The following ME2 variants were observed in gnomAD, a reference collection of about 807,000 sequenced individuals.
ME2 encodes the protein malic enzyme 2.
ME2 carries 60 observed loss-of-function variants against 73.7 expected under a neutral mutation model. That is an observed-to-expected ratio of 0.81 (90% CI 0.66 to 1.01). ME2 has a LOEUF of 1.01. Ranked by LOEUF, ME2 falls within the 50% of genes least tolerant of loss-of-function variation. The probability of loss-of-function intolerance (pLI) is 0.00; values close to 1 mark genes in which losing one functional copy is unlikely to be tolerated. For missense variants in ME2, 594 were observed against 705.5 expected (o/e 0.84, Z 1.79); for synonymous variants, 199 against 236.9 (o/e 0.84, Z 1.47).
rs868169457 is a variant in ME2 at position 50,951,178 on chromosome 18, T to C, written c.*3994T>C. ...ACATTTATTTCTCTTAGTTTTCTTA[T>C]GACATGACTTGCCTTATATCCTTTG... On this transcript the variant is annotated 3_prime_UTR_variant, in exon 16 of 16. Transcript: ENST00000321341. 6.6e-6 allele frequency: 1 copy of C among 152,256 alleles called. No homozygotes were observed. The highest frequency in any genetic ancestry group is 1.5e-5 in the Non-Finnish European group (1 of 68,044). 9.4% of individuals were successfully genotyped at this position (152,256 alleles called of 1,614,324 possible). A position where few individuals can be genotyped will look rare whatever the true frequency, so the allele number is the denominator to read the frequency against.
chr18:50,883,974 TCTC>T (rs571543759), intron 1 of ME2, among the ~76,000 whole-genome samples: 1 of 152,202 alleles, frequency 6.6e-6, no homozygotes. Context: ...CTCCTATAGT[TCTC>T]CTTCTGTCAT....
At chr18:50,910,690 C>T (rs1917134832) in intron 3 of ME2, among the ~76,000 whole-genome samples, 1 of 152,180 alleles carries the variant, frequency 6.6e-6, no homozygotes, top group African/African-American at 2.4e-5. Flanking sequence ...TTGTTCTAAG[C>T]TTTGAAACTC....
intron 4 of ME2, among the ~76,000 whole-genome samples, chr18:50,914,506 A>G (rs1917239887): frequency 6.6e-6 from 1 of 152,110 alleles, no homozygotes; most frequent in Non-Finnish European, 1.5e-5. Flanking sequence ...AATACTGTAT[A>G]TTGTTTATGC....
intron 4 of ME2, among the ~76,000 whole-genome samples, chr18:50,914,602 A>G (rs941315083): frequency 1.3e-5 from 2 of 152,230 alleles, no homozygotes; most frequent in Non-Finnish European, 2.9e-5. Context: ...TGATTGATCT[A>G]AACTTTAAGC....
chr18:50,891,294 C>T (rs112279611), intron 1 of ME2, among the ~76,000 whole-genome samples: 2,660 of 152,046 alleles, frequency 0.017, 32 homozygotes, highest in Non-Finnish European at 0.028. Flanking sequence ...GAGGAGACAC[C>T]GAGGAAGGTT....
At chr18:50,931,117 A>C (rs1413801222) in intron 12 of ME2, among the ~76,000 whole-genome samples, 1 of 152,256 alleles carries the variant, frequency 6.6e-6, no homozygotes, top group East Asian at 1.9e-4. Context: ...TGCTATAAAG[A>C]ATAATAACAC....
intron 5 of ME2, chr18:50,917,113 C>CTA (rs1214274767): frequency 1.6e-5 from 6 of 366,272 alleles, no homozygotes; most frequent in African/African-American, 1.0e-4. Flanking sequence ...CAGAAGAATT[C>CTA]TATTCCTAAA....
chr18:50,941,349 G>GTTTTTTTTT (rs1568176416), intron 15 of ME2, among the ~76,000 whole-genome samples: 3 of 105,314 alleles, frequency 2.8e-5, no homozygotes, highest in African/African-American at 8.8e-5. Context: ...ATTTGTGATG[G>GTTTTTTTTT]TTTCTTTTTT....
intron 1 of ME2, among the ~76,000 whole-genome samples, chr18:50,894,738 G>A (rs540632995): frequency 7.9e-5 from 12 of 151,280 alleles, no homozygotes; most frequent in South Asian, 2.1e-4. Context: ...TTAGCTGGGC[G>A]TGGTGGCGGG....
chr18:50,906,714 G>A (rs544820094), intron 2 of ME2, among the ~76,000 whole-genome samples: 1 of 152,290 alleles, frequency 6.6e-6, no homozygotes, highest in Admixed American at 6.5e-5. Context: ...AGACTTAAAT[G>A]CTTGGAACTA....
At chr18:50,880,048 T>C (rs1202008729) in intron 1 of ME2, among the ~76,000 whole-genome samples, 1 of 152,244 alleles carries the variant, frequency 6.6e-6, no homozygotes. Context: ...TCTGTGGATT[T>C]ACCTTCCTGA....
intron 1 of ME2, among the ~76,000 whole-genome samples, chr18:50,889,612 G>A (rs942405521): frequency 6.6e-6 from 1 of 152,136 alleles, no homozygotes; most frequent in Non-Finnish European, 1.5e-5. Flanking sequence ...CTTGTTAAGC[G>A]TTCCTAATAA....
In ME2 at chr18:50,951,456, A is replaced by G. The variant is rs537549578; in HGVS notation, c.*4272A>G. 2.0e-5 allele frequency: 3 copies of G among 151,392 alleles called. No homozygotes were observed. In the South Asian group the frequency reaches 6.3e-4, roughly 32 times the overall value. 9.4% of individuals were successfully genotyped at this position (151,392 alleles called of 1,614,324 possible). A position where few individuals can be genotyped will look rare whatever the true frequency, so the allele number is the denominator to read the frequency against. On this transcript the variant is annotated 3_prime_UTR_variant, in exon 16 of 16. Coordinates refer to ENST00000321341, the MANE Select transcript of ME2 (RefSeq NM_002396.5). Reference sequence around the variant, plus strand: ...AGTATCCTTCAAGGATAACTTTTTCATACCTTTTTTTTGGTTTGTTTGTTT... The same window carrying G: ...AGTATCCTTCAAGGATAACTTTTTCGTACCTTTTTTTTGGTTTGTTTGTTT...
At chr18:50,944,336 C>T (rs186898626) in intron 15 of ME2, among the ~76,000 whole-genome samples, 2 of 152,258 alleles carry the variant, frequency 1.3e-5, no homozygotes, top group East Asian at 1.9e-4. Flanking sequence ...CATGTCTCTG[C>T]GTTTCCCCAG....
intron 12 of ME2, among the ~76,000 whole-genome samples, chr18:50,927,162 G>T (rs1917572052): frequency 6.6e-6 from 1 of 152,110 alleles, no homozygotes; most frequent in African/African-American, 2.4e-5. Context: ...ATTCTGTAAG[G>T]ATGTAGTTGT....
At chr18:50,908,344 T>C in intron 3 of ME2, 148 bp downstream of exon 3, 3 of 541,244 alleles carry the variant, frequency 5.5e-6, no homozygotes, top group South Asian at 3.9e-5. Flanking sequence ...TGTGTTTCTT[T>C]CACTTCGGTG....
At chr18:50,881,197 TTG>T (rs1389129321) in intron 1 of ME2, among the ~76,000 whole-genome samples, 2 of 151,902 alleles carry the variant, frequency 1.3e-5, no homozygotes, top group South Asian at 2.1e-4. Flanking sequence ...CCCGGCTAAT[TTG>T]TGTGTGTGTG....
At chr18:50,904,445 AT>A (rs1182875994) in intron 2 of ME2, among the ~76,000 whole-genome samples, 16 of 146,872 alleles carry the variant, frequency 1.1e-4, no homozygotes, top group Non-Finnish European at 1.5e-4. Context: ...CACCTGGCTT[AT>A]TTTTTTTTTG....
At chr18:50,911,961 T>C (rs573371800) in intron 3 of ME2, among the ~76,000 whole-genome samples, 1 of 152,250 alleles carries the variant, frequency 6.6e-6, no homozygotes, top group South Asian at 2.1e-4. Context: ...GAAATGATGG[T>C]AGCTTGTACT....
Sources: allele counts gnomAD v4.1 joint callset (sites outside exome capture counted in the v4.1 genomes callset), GRCh38; gene constraint gnomAD v4.1.1; transcripts MANE v1.5; gene names NCBI Gene and HGNC (gene_info 2026-07-23, HGNC 2026-07-21).